GPM6B: variants seen among roughly 807,000 people sequenced by gnomAD.
The protein encoded by GPM6B is glycoprotein M6B.
A neutral mutation model predicts 27.2 loss-of-function variants in GPM6B; 4 were observed. The ratio of observed to expected loss-of-function variants is 0.15; its 90% confidence interval spans 0.07 to 0.34. GPM6B has a LOEUF of 0.34. Among genes scored for constraint, GPM6B ranks in the 10% least tolerant of loss-of-function variants. The pLI is 1.00. For missense variants in GPM6B, 183 were observed against 261.9 expected (o/e 0.70, Z 2.08); for synonymous variants, 124 against 103.1 (o/e 1.20, Z -1.23).
upstream of GPM6B, chrX:13,938,608 G>T (rs1015256115): frequency 9.5e-6 from 4 of 419,471 alleles, no homozygotes; most frequent in Non-Finnish European, 1.4e-5. Context: ...TCGCGGGCAC[G>T]TGCGCTGACC....
upstream of GPM6B, among the ~76,000 whole-genome samples, chrX:13,821,968 T>C (rs2049313002): frequency 8.9e-6 from 1 of 112,075 alleles, no homozygotes; most frequent in South Asian, 3.8e-4. Flanking sequence ...CATAATGATA[T>C]ACTGACACAT....
intron 1 of GPM6B, among the ~76,000 whole-genome samples, chrX:13,934,421 T>C (rs1603153798): frequency 8.9e-6 from 1 of 112,014 alleles, no homozygotes; most frequent in African/African-American, 3.2e-5. Context: ...CGTGCTTCTT[T>C]CTGAGTGCAG....
At chrX:13,852,305 T>C (rs1349096632) in intron 1 of GPM6B, among the ~76,000 whole-genome samples, 4 of 111,567 alleles carry the variant, frequency 3.6e-5, no homozygotes, top group Non-Finnish European at 7.5e-5. Context: ...GAAAATTAAG[T>C]ATGTAAAATT....
chrX:13,830,847 TG>T (rs979855880), intron 1 of GPM6B, among the ~76,000 whole-genome samples: 3 of 111,507 alleles, frequency 2.7e-5, no homozygotes, highest in African/African-American at 9.8e-5. Flanking sequence ...TTTGAACAAC[TG>T]GCCTGCATTT....
chrX:13,927,864 G>T (rs1921288197), intron 1 of GPM6B, among the ~76,000 whole-genome samples: 2 of 112,144 alleles, frequency 1.8e-5, no homozygotes, highest in Non-Finnish European at 3.8e-5. Context: ...ATGTTTTCAT[G>T]TATCTATCTC....
At chrX:13,831,130 G>C (rs1187448740) in intron 1 of GPM6B, among the ~76,000 whole-genome samples, 2 of 104,103 alleles carry the variant, frequency 1.9e-5, no homozygotes, top group Non-Finnish European at 3.9e-5. Context: ...GCAGGCACAG[G>C]CTTACGGTCC....
At chrX:13,779,796 G>A in intron 5 of GPM6B, 22 bp downstream of exon 5, 1 of 1,132,284 alleles carries the variant, frequency 8.8e-7, no homozygotes, top group Non-Finnish European at 1.2e-6. Flanking sequence ...AACTGGGGGA[G>A]GGGTGAATTA....
At chrX:13,936,608 T>C (rs1456278471) in intron 1 of GPM6B, among the ~76,000 whole-genome samples, 1 of 112,723 alleles carries the variant, frequency 8.9e-6, no homozygotes, top group African/African-American at 3.2e-5. Flanking sequence ...TTTCCTTTTT[T>C]ACATGAAGGG....
chrX:13,895,204 A>G (rs1238175142), intron 1 of GPM6B, among the ~76,000 whole-genome samples: 3 of 111,832 alleles, frequency 2.7e-5, no homozygotes, highest in Non-Finnish European at 5.6e-5. Flanking sequence ...TCTTTCTGCT[A>G]TGATCCTATC....
chrX:13,850,163 G>A (rs2049698600), intron 1 of GPM6B, among the ~76,000 whole-genome samples: 1 of 112,299 alleles, frequency 8.9e-6, no homozygotes, highest in African/African-American at 3.2e-5. Context: ...CCCAATGAGA[G>A]GTGTTTGAGT....
At chrX:13,894,757 T>C (rs2050217818) in intron 1 of GPM6B, among the ~76,000 whole-genome samples, 1 of 112,555 alleles carries the variant, frequency 8.9e-6, no homozygotes, top group Admixed American at 9.4e-5. Context: ...CAATTTGCTA[T>C]GGAACCACTT....
intron 1 of GPM6B, among the ~76,000 whole-genome samples, chrX:13,897,572 C>A: frequency 8.9e-6 from 1 of 112,148 alleles, no homozygotes; most frequent in East Asian, 2.8e-4. Context: ...ATACCTAGAT[C>A]TACGCATCAA....
chrX:13,927,868 C>T (rs1355083516), intron 1 of GPM6B, among the ~76,000 whole-genome samples: 1 of 112,126 alleles, frequency 8.9e-6, no homozygotes, highest in Non-Finnish European at 1.9e-5. Flanking sequence ...TTTCATGTAT[C>T]TATCTCATCT....
chrX:13,853,382 T>C (rs886670463), intron 1 of GPM6B, among the ~76,000 whole-genome samples: 5 of 109,625 alleles, frequency 4.6e-5, no homozygotes, highest in Admixed American at 9.7e-5. Flanking sequence ...GGTGGGTGAA[T>C]CACTTGAGGT....
intron 1 of GPM6B, among the ~76,000 whole-genome samples, chrX:13,921,667 G>A (rs1204869400): frequency 2.9e-5 from 3 of 104,680 alleles, no homozygotes; most frequent in Admixed American, 1.0e-4. Context: ...CCTCCGCCTC[G>A]CGAGTTCAAG....
intron 1 of GPM6B, among the ~76,000 whole-genome samples, chrX:13,836,335 A>C (rs1448754440): frequency 1.8e-5 from 2 of 111,954 alleles, no homozygotes; most frequent in Non-Finnish European, 3.8e-5. Flanking sequence ...TCCAGACCTT[A>C]ATTTAAGGAA....
intron 2 of GPM6B, among the ~76,000 whole-genome samples, chrX:13,804,426 CGG>C (rs1246725890): frequency 2.7e-4 from 1 of 3,715 alleles, no homozygotes; most frequent in East Asian, 0.012. Flanking sequence ...GCGGGGGGGG[CGG>C]GGGGCGGGGG....
At chrX:13,891,176 T>C (rs907246678) in intron 1 of GPM6B, among the ~76,000 whole-genome samples, 1 of 111,725 alleles carries the variant, frequency 9.0e-6, no homozygotes, top group African/African-American at 3.3e-5. Context: ...ACCAACCTAA[T>C]ACTTGCTATT....
chrX:13,782,660 G>A (rs1368585273), intron 4 of GPM6B, among the ~76,000 whole-genome samples: 1 of 107,204 alleles, frequency 9.3e-6, no homozygotes, highest in Non-Finnish European at 1.9e-5. Context: ...GGAGGCTGAG[G>A]CAGGAGAATC....
Sources: gnomAD v4.1 joint callset for allele counts (sites outside exome capture counted in the v4.1 genomes callset) on GRCh38, gnomAD v4.1.1 for gene constraint, MANE v1.5 for transcripts, NCBI Gene and HGNC (gene_info 2026-07-23, HGNC 2026-07-21) for gene names.